The following CCNB1 variants were observed in gnomAD, a reference collection of about 807,000 sequenced individuals.
CCNB1 encodes G2/mitotic-specific cyclin-B1.
CCNB1 carries 26 observed loss-of-function variants against 44.4 expected under a neutral mutation model. That is an observed-to-expected ratio of 0.59 (90% confidence interval 0.43 to 0.81). The LOEUF (loss-of-function observed/expected upper bound fraction) is 0.81, where lower values mean the gene tolerates loss of function less well. Ranked by LOEUF, CCNB1 falls within the 40% of genes least tolerant of loss-of-function variation. CCNB1 has a pLI of 0.00. For synonymous variants in CCNB1, 195 were observed against 181.4 expected, an observed-to-expected ratio of 1.08 and a Z score of -0.60; for missense variants, 477 against 520.9, an observed-to-expected ratio of 0.92 and a Z score of 0.82.
chr5:69,176,665 C>T (rs931279266), intron 7 of CCNB1, among the ~76,000 whole-genome samples: 1 of 151,332 alleles, frequency 6.6e-6, no homozygotes, highest in African/African-American at 2.4e-5. Context: ...CCATTGTGCC[C>T]GGCCTACCCT....
chr5:69,174,465 CTG>C (rs1480998039), intron 5 of CCNB1, 56 bp downstream of exon 5: 2 of 1,559,980 alleles, frequency 1.3e-6, no homozygotes, highest in Admixed American at 1.7e-5. Context: ...TCATAAGAAA[CTG>C]ATGTTTTCAG....
chr5:69,177,813 G>T lies in CCNB1; in HGVS notation c.*182G>T, dbSNP rs1747631567. 2 of 512,758 alleles carry T rather than the reference G, an allele frequency of 3.9e-6. No homozygotes were observed. Among genetic ancestry groups the T allele is most frequent in the Admixed American group, 3.7e-5 (1 of 26,710 alleles). The allele number at this position is 512,758 out of a possible 1,614,324, so 31.8% of individuals were successfully genotyped here. A position where few individuals can be genotyped will look rare whatever the true frequency, so the allele number is the denominator to read the frequency against. On this transcript the variant is annotated 3_prime_UTR_variant, in exon 9 of 9. Transcript: ENST00000256442. Reference sequence around the variant, plus strand: ...GGTAGCGGAAAAGTTGTCTTAAAAGGTATGGTGGGGATATTTTTAAAAACT... The same window carrying T: ...GGTAGCGGAAAAGTTGTCTTAAAAGTTATGGTGGGGATATTTTTAAAAACT...
rs764207072 is a variant in CCNB1 at position 69,167,962 on chromosome 5, C to T, written c.76C>T (p.Arg26Cys). Residue 26 changes from arginine to cysteine, a missense_variant, in exon 2 of 9, where the codon CGC becomes TGC. By Grantham distance (180) the Arg-to-Cys change is radical. Coordinates refer to ENST00000256442, the MANE Select transcript of CCNB1 (RefSeq NM_031966.4). Reference protein sequence around the residue: ...KAKINMAGAKRVPTAPAATSK... With the variant: ...KAKINMAGAKCVPTAPAATSK... ...GAAGATCAACATGGCAGGCGCAAAG[C>T]GCGTTCCTACGGCCCCTGCTGCAAC... The T allele has an allele frequency of 6.2e-7, 1 of 1,613,992 alleles. No individual in the cohort carries two copies. Among genetic ancestry groups the T allele is most frequent in the Non-Finnish European group, 8.5e-7 (1 of 1,179,990 alleles).
intron 6 of CCNB1, 23 bp downstream of exon 6, chr5:69,175,136 C>G: frequency 6.6e-7 from 1 of 1,509,472 alleles, no homozygotes; most frequent in Non-Finnish European, 9.2e-7. Flanking sequence ...TGAGAAACCT[C>G]TCCGTATGGG....
chr5:69,176,049 G>A (rs1477917982), intron 7 of CCNB1, among the ~76,000 whole-genome samples: 1 of 144,152 alleles, frequency 6.9e-6, no homozygotes, highest in Non-Finnish European at 1.5e-5. Flanking sequence ...CTACTCTGGA[G>A]GCTGAGCTTT....
intron 4 of CCNB1, among the ~76,000 whole-genome samples, chr5:69,172,294 C>G (rs1273526691): frequency 6.6e-6 from 1 of 152,084 alleles, no homozygotes; most frequent in Non-Finnish European, 1.5e-5. Flanking sequence ...GGGTCTTGCT[C>G]TGTTGCCCAG....
intron 7 of CCNB1, among the ~76,000 whole-genome samples, chr5:69,175,971 A>T (rs1472967639): frequency 8.8e-6 from 1 of 114,060 alleles, no homozygotes; most frequent in Non-Finnish European, 1.8e-5. Flanking sequence ...ATCTTTACAA[A>T]AAATATATAA....
At position 69,168,156 on chromosome 5, in the gene CCNB1, C is replaced by T. The variant is rs1198506838; in HGVS notation, c.193-17C>T. On this transcript the variant is annotated splice_polypyrimidine_tract_variant and intron_variant, in intron 2 of 8. Transcript: ENST00000256442. ...CTTTGATGCAGAAACATTTCATTCT[C>T]TCTGTTTCATCTACAGGAAGCAAAA... 7.4e-6 allele frequency: 12 copies of T among 1,612,016 alleles called. No homozygotes were observed. The highest frequency in any genetic ancestry group is 1.0e-5 in the Non-Finnish European group (12 of 1,178,496).
chr5:69,177,745 T>G lies in CCNB1; in HGVS notation c.*114T>G, dbSNP rs1412973898. ...TAAAGCTTGTGGCCCCTTTTACTTT[T>G]TTATAGCTTAACTAATTTGAATGTG... On this transcript the variant is annotated 3_prime_UTR_variant, in exon 9 of 9. Coordinates refer to ENST00000256442, the MANE Select transcript of CCNB1 (RefSeq NM_031966.4). 1.7e-5 allele frequency: 11 copies of G among 654,188 alleles called. No homozygotes were observed. 40.5% of individuals were successfully genotyped at this position (654,188 alleles called of 1,614,324 possible). A position where few individuals can be genotyped will look rare whatever the true frequency, so the allele number is the denominator to read the frequency against.
chr5:69,168,655 A>G (rs1206205177), intron 3 of CCNB1, among the ~76,000 whole-genome samples: 3 of 152,150 alleles, frequency 2.0e-5, no homozygotes, highest in East Asian at 3.9e-4. Flanking sequence ...TTAATTGTCA[A>G]CTGTCTTATA....
At chr5:69,174,109 T>C (rs957998906) in intron 4 of CCNB1, 142 bp from the exon 5 acceptor site, 6 of 669,186 alleles carry the variant, frequency 9.0e-6, no homozygotes, top group Admixed American at 6.0e-5. Flanking sequence ...TTGTTTGTGG[T>C]TGACCATATG....
intron 4 of CCNB1, among the ~76,000 whole-genome samples, chr5:69,172,008 AC>A (rs1004264350): frequency 6.6e-5 from 10 of 151,930 alleles, no homozygotes; most frequent in African/African-American, 2.4e-4. Context: ...AAATACAAGC[AC>A]TCTTTATGGC....
Position 69,167,183 on chromosome 5 carries a change from C to T in CCNB1, c.-80C>T. ...GCGGCGGAACGGCTGTTGGTTTCTG[C>T]TGGGTGTAGGTCCTTGGCTGGTCGG... On this transcript the variant is annotated 5_prime_UTR_variant, in exon 1 of 9. Coordinates refer to ENST00000256442, the MANE Select transcript of CCNB1 (RefSeq NM_031966.4). 3.2e-6 allele frequency: 4 copies of T among 1,255,706 alleles called. No homozygotes were observed. In the South Asian group the frequency reaches 4.5e-5, roughly 14 times the overall value. 77.8% of individuals were successfully genotyped at this position (1,255,706 alleles called of 1,614,324 possible). A position where few individuals can be genotyped will look rare whatever the true frequency, so the allele number is the denominator to read the frequency against.
intron 7 of CCNB1, among the ~76,000 whole-genome samples, chr5:69,175,982 A>T (rs867879592): frequency 8.6e-6 from 1 of 116,400 alleles, no homozygotes; most frequent in Non-Finnish European, 1.7e-5. Flanking sequence ...AAATATATAA[A>T]ATATATATAT....
rs1194534908 is a variant in CCNB1 at position 69,171,183 on chromosome 5, T to G, written c.364-87T>G. On this transcript the variant is annotated intron_variant, in intron 3 of 8. Transcript: ENST00000256442. ...TATGCCGATTCAGCAGAATACTAGCTTGAGTTGGTACCAATAACCTGAACT... is the reference window on the plus strand; with the variant it reads ...TATGCCGATTCAGCAGAATACTAGCGTGAGTTGGTACCAATAACCTGAACT... The G allele has an allele frequency of 3.4e-6, 3 of 879,676 alleles. No homozygotes were observed. In the African/African-American group the frequency reaches 5.0e-5, roughly 15 times the overall value. 54.5% of individuals were successfully genotyped at this position (879,676 alleles called of 1,614,324 possible).
chr5:69,175,196 C>G, intron 6 of CCNB1, 83 bp downstream of exon 6: 7 of 1,116,970 alleles, frequency 6.3e-6, no homozygotes, highest in Non-Finnish European at 9.4e-6. Context: ...ATTCAACTGA[C>G]CTGTATTATA....
chr5:69,173,031 C>T (rs989070199), intron 4 of CCNB1, among the ~76,000 whole-genome samples: 26 of 152,018 alleles, frequency 1.7e-4, no homozygotes, highest in Non-Finnish European at 3.4e-4. Flanking sequence ...CCTTGGCCTC[C>T]CAAAGTGCTG....
intron 4 of CCNB1, among the ~76,000 whole-genome samples, chr5:69,173,919 G>A (rs894757531): frequency 1.1e-4 from 16 of 151,940 alleles, no homozygotes; most frequent in Non-Finnish European, 2.2e-4. Context: ...ACAGGTGTGC[G>A]CAACCATGCC....
In CCNB1 at chr5:69,174,972, T is replaced by C; in HGVS notation, c.801T>C (p.Gly267=). The C allele has an allele frequency of 6.2e-7, 1 of 1,614,172 alleles. No individual in the cohort carries two copies. Among genetic ancestry groups the C allele is most frequent in the African/African-American group, 1.3e-5 (1 of 75,044 alleles). The change falls in exon 6 of 9, where the codon GGT becomes GGC. Residue 267 remains glycine (G), a synonymous_variant. Coordinates refer to ENST00000256442, the MANE Select transcript of CCNB1 (RefSeq NM_031966.4). ...KYEEMYPPEI[G]DFAFVTDNTY... is the part of the protein sequence containing the mutation. Reference sequence around the variant, plus strand: ...AAGAAATGTACCCTCCAGAAATTGGTGACTTTGCTTTTGTGACTGACAACA... The same window carrying C: ...AAGAAATGTACCCTCCAGAAATTGGCGACTTTGCTTTTGTGACTGACAACA...
Sources: gnomAD v4.1 joint callset for allele counts (sites outside exome capture counted in the v4.1 genomes callset) on GRCh38, gnomAD v4.1.1 for gene constraint, MANE v1.5 for transcripts, NCBI Gene and HGNC (gene_info 2026-07-23, HGNC 2026-07-21) for gene names.